Variants in EXD3 observed in about 807,000 individuals in gnomAD.
EXD3 encodes exonuclease 3'-5' domain containing 3, also known as exonuclease mut-7 homolog.
EXD3 carries 92 observed loss-of-function variants against 98.0 expected under a neutral mutation model. That is an observed-to-expected ratio of 0.94 (90% CI 0.79 to 1.12). The LOEUF is 1.12. EXD3 is among the 50% of genes most tolerant of loss of function. The pLI is 0.00. For missense variants in EXD3, 1,222 were observed against 1,191.6 expected (o/e 1.03, Z -0.38); for synonymous variants, 569 against 526.0 (o/e 1.08, Z -1.12).
At chr9:137,355,649 A>T (rs960616113) in intron 8 of EXD3, among the ~76,000 whole-genome samples, 9 of 125,022 alleles carry the variant, frequency 7.2e-5, no homozygotes, top group East Asian at 2.6e-4. Context: ...GGAAGGAGGA[A>T]GGAGGAAGGA....
intron 1 of EXD3, among the ~76,000 whole-genome samples, chr9:137,400,044 A>AAG (rs1837406398): frequency 1.3e-5 from 2 of 151,420 alleles, no homozygotes; most frequent in African/African-American, 2.4e-5. Context: ...AAAAAAAAAA[A>AAG]AAAAGAAAAT....
chr9:137,413,345 C>T (rs1032781933), intron 1 of EXD3, among the ~76,000 whole-genome samples: 6 of 151,996 alleles, frequency 3.9e-5, no homozygotes, highest in Admixed American at 2.0e-4. Flanking sequence ...GGACTATAGG[C>T]GCCTGCCACC....
At chr9:137,379,711 C>T (rs948351774) in intron 3 of EXD3, among the ~76,000 whole-genome samples, 17 of 152,120 alleles carry the variant, frequency 1.1e-4, no homozygotes, top group East Asian at 5.8e-4. Flanking sequence ...ATAAAGCATT[C>T]GATGAAGCCG....
chr9:137,354,514 C>G, intron 9 of EXD3, 137 bp from the exon 10 acceptor site: 1 of 1,541,288 alleles, frequency 6.5e-7, no homozygotes, highest in Non-Finnish European at 8.7e-7. Context: ...GGTGCCACAG[C>G]CCAGAGCCAG....
At chr9:137,384,868 G>A (rs1322107645) in intron 2 of EXD3, among the ~76,000 whole-genome samples, 2 of 152,216 alleles carry the variant, frequency 1.3e-5, no homozygotes, top group African/African-American at 4.8e-5. Context: ...GAGGCAGGTG[G>A]ATCATTTGAG....
chr9:137,320,701 C>T (rs997665334), intron 19 of EXD3, among the ~76,000 whole-genome samples: 1 of 152,340 alleles, frequency 6.6e-6, no homozygotes, highest in African/African-American at 2.4e-5. Context: ...ACACCCTTCT[C>T]CATGCAGGGC....
chr9:137,378,366 G>A lies in EXD3; in HGVS notation c.121-4767C>T, dbSNP rs758744243. Among the ~76,000 whole-genome samples the A allele has an allele frequency of 2.4e-4, 37 of 152,012 alleles. 1 individual carries two copies. The highest frequency in any genetic ancestry group is 4.1e-4 in the Non-Finnish European group (28 of 68,012). ...AGGGACTACAGGTGCATGCCACCAC[G>A]CTCGGCTAATTGTTGTATTTTTTGG... On this transcript the variant is annotated intron_variant, in intron 3 of 21. Coordinates refer to ENST00000340951, the MANE Select transcript of EXD3 (RefSeq NM_017820.5).
chr9:137,349,063 C>A lies in EXD3; in HGVS notation c.1830+47G>T. On this transcript the variant is annotated intron_variant, in intron 16 of 21. Transcript: ENST00000340951. This position sits in a 1 kb window ranked among gnomAD's most constrained non-coding sequence, Gnocchi z 7.4. ...GTCCTTGGTTTATGGACAGGGATCT[C>A]CTTCCCCAAGAATGCTGACAAACGG... is the stretch of plus-strand genomic sequence containing the variant. 1 of 1,538,040 alleles carries A rather than the reference C, an allele frequency of 6.5e-7. No homozygotes were observed. The highest frequency in any genetic ancestry group is 1.2e-5 in the South Asian group (1 of 81,000).
At chr9:137,419,976 G>T (rs568708439) in intron 1 of EXD3, among the ~76,000 whole-genome samples, 1 of 152,016 alleles carries the variant, frequency 6.6e-6, no homozygotes. Flanking sequence ...TGGCTAATAC[G>T]GTGAAACCCC....
chr9:137,336,710 A>G (rs1297605638), intron 17 of EXD3, among the ~76,000 whole-genome samples: 1 of 151,966 alleles, frequency 6.6e-6, no homozygotes, highest in Non-Finnish European at 1.5e-5. Flanking sequence ...AAAGAAATAA[A>G]TCCATGGCAA....
intron 7 of EXD3, 129 bp from the exon 8 acceptor site, chr9:137,356,497 G>A (rs532978411): frequency 1.5e-4 from 98 of 654,080 alleles, no homozygotes; most frequent in East Asian, 7.8e-4. Context: ...AAATGCAGGC[G>A]TCACCGCCCC....
chr9:137,387,917 G>T (rs1033095131), intron 2 of EXD3, among the ~76,000 whole-genome samples: 3 of 152,228 alleles, frequency 2.0e-5, no homozygotes, highest in Admixed American at 6.5e-5. Flanking sequence ...CATCAGTGCT[G>T]CACCGATGCC....
chr9:137,397,799 C>T (rs755535106), intron 1 of EXD3, among the ~76,000 whole-genome samples: 1 of 152,006 alleles, frequency 6.6e-6, no homozygotes, highest in Non-Finnish European at 1.5e-5. Context: ...AAAAAGTAGC[C>T]GGGTGTGGTG....
Position 137,356,471 on chromosome 9 carries a change from A to C in EXD3, c.657-103T>G, listed in dbSNP as rs1834797645. 49 of 779,394 alleles carry C rather than the reference A, an allele frequency of 6.3e-5. 1 individual carries two copies. The South Asian group carries it at 7.9e-4, about 13-fold the overall frequency. The allele number at this position is 779,394 out of a possible 1,614,324, so 48.3% of individuals were successfully genotyped here. On this transcript the variant is annotated intron_variant, in intron 7 of 21. Transcript: ENST00000340951. ...ATATGCATGCATAGTTTAAACCTCA[A>C]GTGAGGTTTATAAGAAAATGCAGGC...
chr9:137,400,029 C>CAAAAA (rs36029399), intron 1 of EXD3, among the ~76,000 whole-genome samples: 11 of 73,310 alleles, frequency 1.5e-4, no homozygotes, highest in South Asian at 4.3e-4. Flanking sequence ...AACTCCATCT[C>CAAAAA]AAAAAAAAAA....
At chr9:137,404,761 G>A (rs533222689) in intron 1 of EXD3, among the ~76,000 whole-genome samples, 3 of 152,188 alleles carry the variant, frequency 2.0e-5, no homozygotes, top group East Asian at 1.9e-4. Flanking sequence ...TTGGGAGGCT[G>A]AGGCAGGAGA....
intron 3 of EXD3, among the ~76,000 whole-genome samples, chr9:137,375,306 C>T (rs1835843298): frequency 6.6e-6 from 1 of 152,038 alleles, no homozygotes; most frequent in South Asian, 2.1e-4. Flanking sequence ...CGCGCCCGGC[C>T]CTAACCCTAG....
At chr9:137,401,788 C>T (rs1418667742) in intron 1 of EXD3, among the ~76,000 whole-genome samples, 1 of 152,216 alleles carries the variant, frequency 6.6e-6, no homozygotes. Flanking sequence ...ACCACTTTTT[C>T]CTCCCGGGCC....
intron 2 of EXD3, among the ~76,000 whole-genome samples, chr9:137,387,165 C>T (rs1485149096): frequency 6.6e-6 from 1 of 151,834 alleles, no homozygotes; most frequent in Non-Finnish European, 1.5e-5. Flanking sequence ...GGCCCCCGCT[C>T]CCTGCCTGGC....
Sources: gnomAD v4.1 joint callset for allele counts (sites outside exome capture counted in the v4.1 genomes callset) on GRCh38, gnomAD v4.1.1 for gene constraint, Gnocchi (gnomAD v3.1) non-coding constraint, MANE v1.5 for transcripts, NCBI Gene and HGNC (gene_info 2026-07-23, HGNC 2026-07-21) for gene names.